The following AP4E1 variants were observed in gnomAD, a reference collection of about 807,000 sequenced individuals.
AP4E1 encodes the protein adaptor related protein complex 4 subunit epsilon 1, also known as AP-4 complex subunit epsilon-1.
In AP4E1, 56 loss-of-function variants were observed where a neutral mutation model predicts 128.2. The observed-to-expected ratio is 0.44, with a 90% CI of 0.35 to 0.55. The LOEUF (loss-of-function observed/expected upper bound fraction) is 0.55. Ranked by LOEUF, AP4E1 falls within the 20% of genes least tolerant of loss-of-function variation. AP4E1 has a pLI of 0.00. For missense variants in AP4E1, 1,324 were observed against 1,307.7 expected, an observed-to-expected ratio of 1.01 and a Z score of -0.19; for synonymous variants, 484 against 473.1, an observed-to-expected ratio of 1.02 and a Z score of -0.30.
At chr15:50,923,560 T>C (rs951095304) in intron 3 of AP4E1, among the ~76,000 whole-genome samples, 24 of 152,156 alleles carry the variant, frequency 1.6e-4, no homozygotes, top group Admixed American at 1.4e-3. Flanking sequence ...TAGTGATTAG[T>C]TTTTGAATTA....
intron 10 of AP4E1, chr15:50,944,952 C>G (rs1163903769): frequency 5.2e-6 from 4 of 767,778 alleles, no homozygotes; most frequent in African/African-American, 1.7e-5. Context: ...GAACCTGACT[C>G]AACAGAAATG....
chr15:50,908,544 C>T, upstream of AP4E1: 1 of 465,048 alleles, frequency 2.2e-6, no homozygotes, highest in Non-Finnish European at 3.6e-6. Context: ...GAAAGGAGGT[C>T]TACTTACGCG....
At chr15:50,915,414 T>G (rs1177211566) in intron 2 of AP4E1, 34 bp from the exon 3 acceptor site, 5 of 1,598,986 alleles carry the variant, frequency 3.1e-6, no homozygotes, top group Non-Finnish European at 3.4e-6. Flanking sequence ...ATATTCTGTT[T>G]ATTTATACAG....
chr15:50,975,615 G>C (rs1248602871), intron 15 of AP4E1, among the ~76,000 whole-genome samples: 2 of 151,978 alleles, frequency 1.3e-5, no homozygotes, highest in South Asian at 2.1e-4. Context: ...ATACATGCTT[G>C]GATTTATTTC....
intron 7 of AP4E1, among the ~76,000 whole-genome samples, chr15:50,933,188 AG>A (rs1441874964): frequency 6.6e-6 from 1 of 152,196 alleles, no homozygotes; most frequent in African/African-American, 2.4e-5. Context: ...AGTTATTAAT[AG>A]AGTGGAACTT....
intron 13 of AP4E1, among the ~76,000 whole-genome samples, chr15:50,957,699 C>T (rs1463712406): frequency 1.1e-3 from 95 of 90,106 alleles, no homozygotes; most frequent in African/African-American, 2.1e-4. Context: ...TTTTTTGAGA[C>T]GGAGTCTTGT....
intron 3 of AP4E1, among the ~76,000 whole-genome samples, chr15:50,917,614 AG>A (rs534906750): frequency 1.3e-5 from 2 of 152,228 alleles, no homozygotes; most frequent in Non-Finnish European, 2.9e-5. Flanking sequence ...AAGTCTTCTT[AG>A]GGATTGTCTG....
intron 14 of AP4E1, among the ~76,000 whole-genome samples, chr15:50,967,541 C>A (rs2064410152): frequency 6.6e-6 from 1 of 152,130 alleles, no homozygotes; most frequent in Admixed American, 6.5e-5. Flanking sequence ...TGATTTTAGC[C>A]CCCTGCAGCA....
chr15:50,920,334 C>CG (rs1262293314), intron 3 of AP4E1, among the ~76,000 whole-genome samples: 1 of 148,142 alleles, frequency 6.8e-6, no homozygotes, highest in African/African-American at 2.5e-5. Context: ...AGGATGGTCT[C>CG]GATCTCCTGA....
In AP4E1 at chr15:50,915,476, T is replaced by C; in HGVS notation, c.251T>C (p.Leu84Pro). 2 of 1,613,384 alleles carry C rather than the reference T, an allele frequency of 1.2e-6. No individual in the cohort carries two copies. The highest frequency in any genetic ancestry group is 1.7e-6 in the Non-Finnish European group (2 of 1,179,530). Residue 84 changes from leucine (L) to proline (P), a missense_variant, in exon 3 of 21, where the codon CTT becomes CCT. Leu to Pro is a moderately conservative substitution (Grantham distance 98). Coordinates refer to ENST00000261842, the MANE Select transcript of AP4E1 (RefSeq NM_007347.5). ...ATGATGAAGGAATGTATGGTGAGAC[T>C]TATATATTGTGAAATGCTTGGATAT... ...LKMMKECMVR[L>P]IYCEMLGYDA...
intron 16 of AP4E1, among the ~76,000 whole-genome samples, chr15:50,992,809 T>A (rs1196604281): frequency 6.6e-6 from 1 of 152,198 alleles, no homozygotes; most frequent in African/African-American, 2.4e-5. Flanking sequence ...CCTTTTGGAT[T>A]AAAGTAAATT....
At position 50,929,160 on chromosome 15, in the gene AP4E1, A is replaced by G; in HGVS notation, c.694A>G (p.Met232Val). Residue 232 changes from methionine to valine, a missense_variant, in exon 6 of 21, where the codon ATG becomes GTG. Coordinates refer to ENST00000261842, the MANE Select transcript of AP4E1 (RefSeq NM_007347.5). ...TGCCTCCTTGCATATATATCTTAGA[A>G]TGATTAAGGTAAGTTGGAAATTTTA... is the stretch of plus-strand genomic sequence containing the variant. ...MAASLHIYLR[M>V]IKENSSGYKD... 1 of 1,613,728 alleles carries G rather than the reference A, an allele frequency of 6.2e-7. No homozygotes were observed. The highest frequency in any genetic ancestry group is 8.5e-7 in the Non-Finnish European group (1 of 1,179,872).
intron 10 of AP4E1, chr15:50,945,745 G>T: frequency 1.3e-6 from 1 of 774,596 alleles, no homozygotes; most frequent in Non-Finnish European, 2.4e-6. Context: ...AAAATTTGGT[G>T]TGCTTACATC....
intron 15 of AP4E1, among the ~76,000 whole-genome samples, chr15:50,980,725 C>T (rs2064632429): frequency 6.6e-6 from 1 of 152,120 alleles, no homozygotes; most frequent in African/African-American, 2.4e-5. Flanking sequence ...GGGCTTGCTG[C>T]CCAGAGCTGC....
At chr15:50,965,370 C>T (rs187040579) in intron 14 of AP4E1, among the ~76,000 whole-genome samples, 2 of 152,276 alleles carry the variant, frequency 1.3e-5, no homozygotes, top group East Asian at 3.9e-4. Context: ...TGGGTCCTGG[C>T]AGTGGCAGGA....
chr15:50,998,182 T>C (rs748879583), intron 18 of AP4E1, among the ~76,000 whole-genome samples: 2 of 107,402 alleles, frequency 1.9e-5, no homozygotes, highest in Non-Finnish European at 4.6e-5. Context: ...TGCATTATTG[T>C]ATGGATGTCC....
At chr15:50,937,926 T>A (rs975797745) in intron 8 of AP4E1, among the ~76,000 whole-genome samples, 1 of 152,168 alleles carries the variant, frequency 6.6e-6, no homozygotes, top group African/African-American at 2.4e-5. Context: ...TTGGATAAGG[T>A]ACTGATAACA....
intron 8 of AP4E1, among the ~76,000 whole-genome samples, chr15:50,937,731 T>A (rs1398383471): frequency 6.6e-6 from 1 of 152,082 alleles, no homozygotes; most frequent in Non-Finnish European, 1.5e-5. Context: ...GAAGGGGCTT[T>A]TAGGTGGAGG....
intron 10 of AP4E1, among the ~76,000 whole-genome samples, chr15:50,946,223 A>G (rs1276789443): frequency 6.6e-6 from 1 of 152,188 alleles, no homozygotes; most frequent in African/African-American, 2.4e-5. Flanking sequence ...CAGTATTTGC[A>G]ACTAACTCAT....
Sources: gnomAD v4.1 joint callset for allele counts (sites outside exome capture counted in the v4.1 genomes callset) on GRCh38, gnomAD v4.1.1 for gene constraint, MANE v1.5 for transcripts, NCBI Gene and HGNC (gene_info 2026-07-23, HGNC 2026-07-21) for gene names.